KIZ: variants seen among roughly 807,000 people sequenced by gnomAD.
The protein encoded by KIZ is centrosomal protein kizuna.
In KIZ, 68 loss-of-function variants were observed where a neutral mutation model predicts 79.6. The observed-to-expected ratio is 0.85, with a 90% CI of 0.70 to 1.05. The LOEUF (loss-of-function observed/expected upper bound fraction) is 1.05. Among genes scored for constraint, KIZ ranks in the 50% least tolerant of loss-of-function variants. The pLI, the probability that KIZ is intolerant of heterozygous loss-of-function variation, is 0.00. For synonymous variants in KIZ, 280 were observed against 281.8 expected (o/e 0.99, Z 0.06); for missense variants, 797 against 800.4 (o/e 1.00, Z 0.05).
intron 2 of KIZ, among the ~76,000 whole-genome samples, chr20:21,134,086 A>AGGCTGTGGC (rs1189765106): frequency 5.2e-4 from 79 of 152,308 alleles, no homozygotes; most frequent in Non-Finnish European, 8.7e-4. Flanking sequence ...CACATGCAGC[A>AGGCTGTGGC]GGCTGTGGCG....
intron 9 of KIZ, among the ~76,000 whole-genome samples, chr20:21,217,695 G>T (rs1008207024): frequency 4.6e-5 from 7 of 152,150 alleles, no homozygotes; most frequent in Non-Finnish European, 8.8e-5. Flanking sequence ...CAATAGGATT[G>T]TCTTAAAGTT....
intron 6 of KIZ, among the ~76,000 whole-genome samples, chr20:21,202,921 G>A (rs2035654736): frequency 6.6e-6 from 1 of 152,092 alleles, no homozygotes; most frequent in South Asian, 2.1e-4. Flanking sequence ...CATCAGTCTT[G>A]TTTTATCTCT....
chr20:21,164,826 C>T (rs1475229281), intron 6 of KIZ, among the ~76,000 whole-genome samples: 1 of 151,542 alleles, frequency 6.6e-6, no homozygotes, highest in East Asian at 1.9e-4. Context: ...TTGAGTATTT[C>T]TCTTAATAAA....
chr20:21,226,754 C>T (rs2036668554), intron 9 of KIZ, among the ~76,000 whole-genome samples: 1 of 152,202 alleles, frequency 6.6e-6, no homozygotes, highest in Non-Finnish European at 1.5e-5. Flanking sequence ...GAGTGATGTG[C>T]CCAGCAGTCC....
intron 6 of KIZ, among the ~76,000 whole-genome samples, chr20:21,169,036 G>A (rs1197460235): frequency 6.6e-6 from 1 of 152,180 alleles, no homozygotes; most frequent in Non-Finnish European, 1.5e-5. Flanking sequence ...AGGACTTCAT[G>A]TCTAAAACAC....
chr20:21,218,172 A>G (rs1302745410), intron 9 of KIZ: 3 of 152,246 alleles, frequency 2.0e-5, no homozygotes, highest in African/African-American at 7.2e-5. Flanking sequence ...TCTCAAGAAG[A>G]GTTTGATGAT....
At chr20:21,150,962 C>T (rs993423816) in intron 4 of KIZ, 1 of 152,224 alleles carries the variant, frequency 6.6e-6, no homozygotes, top group Non-Finnish European at 1.5e-5. Flanking sequence ...GGGTGCCTTC[C>T]AAGGAGCTGG....
Position 21,136,530 on chromosome 20 carries a change from CAG to C in KIZ, c.297_298del (p.Lys100AlafsTer9). The C allele has an allele frequency of 6.4e-7, 1 of 1,565,644 alleles. No individual in the cohort carries two copies. The highest frequency in any genetic ancestry group is 8.6e-7 in the Non-Finnish European group (1 of 1,159,924). ...CATGTTGTACACTTCACCACAAATACAGAGAAGCTTCAAAAACTGAAGGTGAC... is the reference window on the plus strand; with the variant it reads ...CATGTTGTACACTTCACCACAAATACAGAAGCTTCAAAAACTGAAGGTGAC... On this transcript the variant is annotated frameshift_variant, in exon 3 of 13. Transcript: ENST00000619189. LOFTEE classifies it high-confidence loss of function.
chr20:21,185,773 G>A (rs1010916043), intron 6 of KIZ, among the ~76,000 whole-genome samples: 15 of 146,376 alleles, frequency 1.0e-4, no homozygotes, highest in African/African-American at 1.8e-4. Flanking sequence ...GTGCAGTGAC[G>A]CCATCCTGGC....
chr20:21,200,209 C>G (rs761296593), intron 6 of KIZ, among the ~76,000 whole-genome samples: 4 of 152,116 alleles, frequency 2.6e-5, no homozygotes, highest in Non-Finnish European at 5.9e-5. Flanking sequence ...CAGCTCACAT[C>G]TGTCTCTTTA....
rs1479314323 is a variant in KIZ at position 21,214,592 on chromosome 20, C to G, written c.1504C>G (p.His502Asp). ...AGAGTGTGGCCGTAGGTCAGCTATT[C>G]ACAGTAGTGAATCATCTTGCAGCTT... ...TEECGRRSAI[H>D]SSESSCSLPS... Residue 502 changes from histidine to aspartate, a missense_variant, in exon 8 of 13, where the codon CAC (histidine) becomes GAC (aspartate). Physicochemically the swap from His to Asp is moderately conservative, Grantham distance 81. Transcript: ENST00000619189. 1 of 1,613,048 alleles carries G rather than the reference C, an allele frequency of 6.2e-7. No homozygotes were observed. Among genetic ancestry groups the G allele is most frequent in the African/African-American group, 1.3e-5 (1 of 74,880 alleles).
intron 4 of KIZ, among the ~76,000 whole-genome samples, chr20:21,152,731 GTTTATTTTGTGAAAGTT>G: frequency 1.3e-5 from 2 of 152,294 alleles, no homozygotes; most frequent in East Asian, 3.9e-4. Flanking sequence ...GGGGTGTTCT[GTTTATTTTGTGAAAGTT>G]ACCTGCTGTC....
chr20:21,126,698 T>G (rs558290865), intron 1 of KIZ, among the ~76,000 whole-genome samples: 99 of 152,202 alleles, frequency 6.5e-4, no homozygotes, highest in African/African-American at 2.2e-3. Context: ...CAGGAGACTT[T>G]TAGGGGTAGC....
At chr20:21,211,755 G>A (rs1267059711) in intron 7 of KIZ, among the ~76,000 whole-genome samples, 1 of 152,224 alleles carries the variant, frequency 6.6e-6, no homozygotes, top group African/African-American at 2.4e-5. Flanking sequence ...TCTGCAAACA[G>A]TACATCTTGA....
chr20:21,231,178 A>T (rs1376162332), intron 10 of KIZ, among the ~76,000 whole-genome samples: 1 of 152,162 alleles, frequency 6.6e-6, no homozygotes, highest in African/African-American at 2.4e-5. Flanking sequence ...TAAAAATACA[A>T]AAATTAGCCA....
At chr20:21,166,152 T>G in intron 6 of KIZ, 1 of 800,686 alleles carries the variant, frequency 1.2e-6, no homozygotes. Flanking sequence ...TTTTGTATTT[T>G]TTTTTTTTTT....
At chr20:21,198,056 TTTTTATTTTA>T (rs974454000) in intron 6 of KIZ, 2 of 152,060 alleles carry the variant, frequency 1.3e-5, no homozygotes, top group African/African-American at 4.8e-5. Flanking sequence ...TCTTATTAAT[TTTTTATTTTA>T]TTTTATTTTA....
At position 21,223,128 on chromosome 20, in the gene KIZ, T is replaced by C. The variant is rs141450053; in HGVS notation, c.1679-5883T>C. Among the ~76,000 whole-genome samples, 83 of 152,338 alleles carry C rather than the reference T, an allele frequency of 5.4e-4. No homozygotes were observed. The East Asian group carries it at 0.014, about 26-fold the overall frequency. ...TAAAATATACTGTTTTTTAAAAAGC[T>C]ATTTAAATCAATAAAATACAGCTTT... On this transcript the variant is annotated intron_variant, in intron 9 of 12. Coordinates refer to ENST00000619189, the MANE Select transcript of KIZ (RefSeq NM_018474.6).
chr20:21,208,429 C>T (rs1440638039), intron 7 of KIZ, among the ~76,000 whole-genome samples: 3 of 152,156 alleles, frequency 2.0e-5, no homozygotes, highest in East Asian at 1.9e-4. Flanking sequence ...ATAGGCTGGA[C>T]GCGGTGGCTT....
Sources: allele counts gnomAD v4.1 joint callset (sites outside exome capture counted in the v4.1 genomes callset), GRCh38; gene constraint gnomAD v4.1.1; transcripts MANE v1.5; gene names NCBI Gene and HGNC (gene_info 2026-07-23, HGNC 2026-07-21).